The following PIEZO2 variants were observed in gnomAD, a reference collection of about 807,000 sequenced individuals.
The protein encoded by PIEZO2 is piezo type mechanosensitive ion channel component 2.
PIEZO2 carries 172 observed loss-of-function variants against 337.3 expected under a neutral mutation model. The ratio of observed to expected loss-of-function variants is 0.51; its 90% CI spans 0.45 to 0.58. The LOEUF (loss-of-function observed/expected upper bound fraction) is 0.58, where lower values mean the gene tolerates loss of function less well. Ranked by LOEUF, PIEZO2 falls within the 20% of genes least tolerant of loss-of-function variation. The pLI, the probability that PIEZO2 is intolerant of heterozygous loss-of-function variation, is 0.00. For missense variants in PIEZO2, 3,028 were observed against 3,391.3 expected, an observed-to-expected ratio of 0.89 and a Z score of 2.66; for synonymous variants, 1,251 against 1,228.5, an observed-to-expected ratio of 1.02 and a Z score of -0.38.
intron 2 of PIEZO2, among the ~76,000 whole-genome samples, chr18:11,034,270 C>G (rs1374290801): frequency 6.6e-6 from 1 of 151,858 alleles, no homozygotes; most frequent in Admixed American, 6.6e-5. Flanking sequence ...AGTCTATTTA[C>G]TGATTAAATG....
intron 5 of PIEZO2, among the ~76,000 whole-genome samples, chr18:10,858,001 CTTTCTTTTTTTT>C (rs1021969921): frequency 7.0e-5 from 9 of 127,914 alleles, no homozygotes; most frequent in African/African-American, 3.0e-4. Flanking sequence ...TTCTTTCTTT[CTTTCTTTTTTTT>C]TTTTTTTAAA....
chr18:10,839,772 G>C (rs915125478), intron 7 of PIEZO2, among the ~76,000 whole-genome samples: 1 of 128,780 alleles, frequency 7.8e-6, no homozygotes, highest in Non-Finnish European at 1.8e-5. Context: ...TGACCAAGGA[G>C]TATCATTTTT....
At chr18:10,736,069 G>T (rs76147452) in intron 34 of PIEZO2, among the ~76,000 whole-genome samples, 2 of 152,126 alleles carry the variant, frequency 1.3e-5, no homozygotes, top group African/African-American at 2.4e-5. Flanking sequence ...AAACAGAAAG[G>T]TAGCTAAGCT....
chr18:10,682,329 C>A lies in PIEZO2; in HGVS notation c.7498-37G>T. 6.7e-7 allele frequency: 1 copy of A among 1,503,662 alleles called. No homozygotes were observed. Among genetic ancestry groups the A allele is most frequent in the South Asian group, 1.3e-5 (1 of 78,978 alleles). 93.1% of individuals were successfully genotyped at this position (1,503,662 alleles called of 1,614,324 possible). On this transcript the variant is annotated intron_variant, in intron 49 of 55. Coordinates refer to ENST00000674853, the MANE Select transcript of PIEZO2 (RefSeq NM_001378183.1). This position sits in a 1 kb window ranked among gnomAD's most constrained non-coding sequence, Gnocchi z 5.6. ...AGTTCAGACAAGGCTCAGGCTCAGG[C>A]TCAGGTGCTTTCCCGCAGGCAGCGG... is the stretch of plus-strand genomic sequence containing the variant.
intron 1 of PIEZO2, among the ~76,000 whole-genome samples, chr18:11,100,849 C>A (rs1413877023): frequency 6.6e-6 from 1 of 152,186 alleles, no homozygotes; most frequent in Non-Finnish European, 1.5e-5. Flanking sequence ...CCCACCTTGG[C>A]CTCCCAAAGT....
In PIEZO2 at chr18:10,910,531, C is replaced by T. The variant is rs377355168; in HGVS notation, c.329+655G>A. Among the ~76,000 whole-genome samples the T allele has an allele frequency of 2.4e-4, 37 of 151,760 alleles. 1 individual carries two copies. Among genetic ancestry groups the T allele is most frequent in the African/African-American group, 8.2e-4 (34 of 41,342 alleles). ...CCAGGAGGCAGAGGTTGCAGTGAGC[C>T]GAGATCATGCCAGTGCACTCCAGCC... is the stretch of plus-strand genomic sequence containing the variant. On this transcript the variant is annotated intron_variant, in intron 4 of 55. Transcript: ENST00000674853.
chr18:10,776,728 G>C (rs1189321256), intron 18 of PIEZO2, among the ~76,000 whole-genome samples: 4 of 152,186 alleles, frequency 2.6e-5, no homozygotes, highest in Non-Finnish European at 1.5e-5. Flanking sequence ...GCAAGCTTTC[G>C]AGGCAGACCC....
chr18:11,084,515 A>C (rs2038855409), intron 1 of PIEZO2, among the ~76,000 whole-genome samples: 1 of 152,124 alleles, frequency 6.6e-6, no homozygotes, highest in East Asian at 1.9e-4. Flanking sequence ...AGCCCTCGCC[A>C]TGGAGGCCCC....
intron 2 of PIEZO2, among the ~76,000 whole-genome samples, chr18:11,013,888 A>G (rs980732115): frequency 6.6e-6 from 1 of 152,168 alleles, no homozygotes; most frequent in African/African-American, 2.4e-5. Context: ...CATTTCTCCT[A>G]AAGTAGAGGT....
rs2042307147 is a variant in PIEZO2 at position 10,877,765 on chromosome 18, G to A, written c.330-6350C>T. On this transcript the variant is annotated intron_variant, in intron 4 of 55. Transcript: ENST00000674853. The surrounding 1 kb of genome is among the most constrained non-coding windows in gnomAD (Gnocchi z 5.3). Reference sequence around the variant, plus strand: ...TAATATCAGAGTTTAGTTTTTAGCAGCATAAAGCTGATCATGTCAACCCCA... The same window carrying A: ...TAATATCAGAGTTTAGTTTTTAGCAACATAAAGCTGATCATGTCAACCCCA... Among the ~76,000 whole-genome samples the A allele has an allele frequency of 6.6e-6, 1 of 152,108 alleles. No homozygotes were observed.
At chr18:10,803,793 T>C (rs2144297425) in intron 9 of PIEZO2, 82 bp downstream of exon 9, 1 of 1,475,058 alleles carries the variant, frequency 6.8e-7, no homozygotes, top group Non-Finnish European at 9.0e-7. Context: ...ATGATATATA[T>C]GATATTATAA....
Position 10,962,453 on chromosome 18 carries a change from C to T in PIEZO2, c.286+17082G>A, listed in dbSNP as rs1365118161. On this transcript the variant is annotated intron_variant, in intron 3 of 55. Transcript: ENST00000674853. The surrounding 1 kb of genome is among the most constrained non-coding windows in gnomAD (Gnocchi z 4.1). ...CTAAAGCCTGGGATCCCAGGAGCTG[C>T]ACGCAGGGCTCGCTCCTTGCTCCTT... Among the ~76,000 whole-genome samples, 1 of 152,214 alleles carries T rather than the reference C, an allele frequency of 6.6e-6. No homozygotes were observed. The highest frequency in any genetic ancestry group is 1.5e-5 in the Non-Finnish European group (1 of 68,056).
intron 4 of PIEZO2, among the ~76,000 whole-genome samples, chr18:10,891,529 T>C (rs2042755772): frequency 6.6e-6 from 1 of 152,194 alleles, no homozygotes; most frequent in South Asian, 2.1e-4. Context: ...TACCGCTTGA[T>C]GCAGACACTA....
At chr18:10,966,198 G>A (rs1412050326) in intron 3 of PIEZO2, among the ~76,000 whole-genome samples, 1 of 152,178 alleles carries the variant, frequency 6.6e-6, no homozygotes, top group African/African-American at 2.4e-5. Context: ...AGCTCCTCAA[G>A]CCAGAAATCT....
In PIEZO2 at chr18:10,856,227, A is replaced by T. The variant is rs778903308; in HGVS notation, c.704-661T>A. Among the ~76,000 whole-genome samples, 2 of 152,134 alleles carry T rather than the reference A, an allele frequency of 1.3e-5. No individual in the cohort carries two copies. Among genetic ancestry groups the T allele is most frequent in the Non-Finnish European group, 2.9e-5 (2 of 68,014 alleles). On this transcript the variant is annotated intron_variant, in intron 6 of 55. Coordinates refer to ENST00000674853, the MANE Select transcript of PIEZO2 (RefSeq NM_001378183.1). This position sits in a 1 kb window ranked among gnomAD's most constrained non-coding sequence, Gnocchi z 4.7. The stretch of plus-strand genomic sequence containing the variant: ...AACTCCTTTAAAAGTGTTTTTAAGG[A>T]ATCATAAATAAAGCCATCACCTTAG...
At chr18:10,880,816 T>G (rs2042390404) in intron 4 of PIEZO2, among the ~76,000 whole-genome samples, 1 of 127,846 alleles carries the variant, frequency 7.8e-6, no homozygotes, top group African/African-American at 3.0e-5. Context: ...GTAAGACCCC[T>G]GATTTCCATT....
chr18:10,995,160 T>G (rs900206516), intron 2 of PIEZO2, among the ~76,000 whole-genome samples: 2 of 152,008 alleles, frequency 1.3e-5, no homozygotes, highest in Non-Finnish European at 2.9e-5. Flanking sequence ...TTTTTGACTA[T>G]GGCCATTCTT....
chr18:10,984,030 A>C (rs866461023), intron 2 of PIEZO2, among the ~76,000 whole-genome samples: 4 of 152,184 alleles, frequency 2.6e-5, no homozygotes, highest in Admixed American at 1.3e-4. Flanking sequence ...AGACTCCCAG[A>C]ATCTCTAACC....
intron 31 of PIEZO2, among the ~76,000 whole-genome samples, chr18:10,743,906 T>G (rs1176121351): frequency 6.6e-6 from 1 of 152,214 alleles, no homozygotes; most frequent in Non-Finnish European, 1.5e-5. Context: ...CCTGGTCCTC[T>G]GCAAGATAGC....
Sources: allele counts gnomAD v4.1 joint callset (sites outside exome capture counted in the v4.1 genomes callset), GRCh38; gene constraint gnomAD v4.1.1; non-coding constraint Gnocchi (gnomAD v3.1); transcripts MANE v1.5; gene names NCBI Gene and HGNC (gene_info 2026-07-23, HGNC 2026-07-21).